The following PCCA variants were observed in gnomAD, a reference collection of about 807,000 sequenced individuals.
PCCA encodes propionyl-CoA carboxylase subunit alpha, also known as propionyl-CoA carboxylase alpha chain, mitochondrial.
Under a neutral mutation model 101.3 loss-of-function variants are expected in PCCA, and 74 were observed. That is an observed-to-expected ratio of 0.73 (90% CI 0.61 to 0.89). The LOEUF (loss-of-function observed/expected upper bound fraction) is 0.89, where lower values mean the gene tolerates loss of function less well. Among genes scored for constraint, PCCA ranks in the 40% least tolerant of loss-of-function variants. The pLI is 0.00. For missense variants in PCCA, 891 were observed against 907.0 expected, an observed-to-expected ratio of 0.98 and a Z score of 0.23; for synonymous variants, 294 against 313.6, an observed-to-expected ratio of 0.94 and a Z score of 0.66.
intron 6 of PCCA, among the ~76,000 whole-genome samples, chr13:100,178,885 G>A (rs1046668510): frequency 6.6e-5 from 10 of 151,850 alleles, no homozygotes; most frequent in South Asian, 2.1e-4. Context: ...AGACCATCTT[G>A]GCTAACACTG....
chr13:100,174,876 TATTA>T (rs2056093970), intron 6 of PCCA, among the ~76,000 whole-genome samples: 2 of 152,074 alleles, frequency 1.3e-5, no homozygotes, highest in Non-Finnish European at 2.9e-5. Context: ...CACAATAACA[TATTA>T]ATTATATCTT....
At chr13:100,106,854 C>T (rs1195340276) in intron 2 of PCCA, among the ~76,000 whole-genome samples, 1 of 152,144 alleles carries the variant, frequency 6.6e-6, no homozygotes, top group Non-Finnish European at 1.5e-5. Context: ...TTGCTGTGCC[C>T]TTGCCTAAGG....
chr13:100,232,359 T>TGTGTGC (rs2060536002), intron 7 of PCCA, among the ~76,000 whole-genome samples: 2 of 147,102 alleles, frequency 1.4e-5, no homozygotes, highest in Non-Finnish European at 3.0e-5. Flanking sequence ...TGCGTGTGTG[T>TGTGTGC]GTGTGTGTGT....
chr13:100,465,200 G>A (rs568806815), intron 21 of PCCA, among the ~76,000 whole-genome samples: 4 of 152,150 alleles, frequency 2.6e-5, no homozygotes, highest in South Asian at 4.2e-4. Flanking sequence ...TGTCGAAATC[G>A]GCTTAAAATG....
At chr13:100,353,184 A>G (rs774850172) in intron 18 of PCCA, among the ~76,000 whole-genome samples, 2 of 152,226 alleles carry the variant, frequency 1.3e-5, no homozygotes, top group African/African-American at 4.8e-5. Flanking sequence ...CAATTCCACA[A>G]TACATCACTT....
chr13:100,465,649 A>G (rs953723521), intron 21 of PCCA, among the ~76,000 whole-genome samples: 3 of 152,210 alleles, frequency 2.0e-5, no homozygotes, highest in Admixed American at 6.5e-5. Flanking sequence ...AGACTGCCCT[A>G]TGCGTAATAG....
chr13:100,516,564 C>T (rs1274754795), intron 22 of PCCA, among the ~76,000 whole-genome samples: 4 of 152,210 alleles, frequency 2.6e-5, no homozygotes, highest in African/African-American at 4.8e-5. Flanking sequence ...AGCTGCTTTA[C>T]CTGGTGATAC....
chr13:100,361,926 G>C (rs1158738110), intron 18 of PCCA, among the ~76,000 whole-genome samples: 2 of 151,974 alleles, frequency 1.3e-5, no homozygotes, highest in African/African-American at 4.8e-5. Flanking sequence ...TTTAAGGGGG[G>C]AAAAAGCAAT....
rs534361898 is a variant in PCCA, at chr13:100,469,211, CAAAA to C, written c.1899+19919_1899+19922del. Among the ~76,000 whole-genome samples the C allele has an allele frequency of 4.6e-3, 301 of 65,052 alleles. 9 individuals carry two copies. The highest frequency in any genetic ancestry group is 5.3e-3 in the Non-Finnish European group (177 of 33,306). The allele number at this position is 65,052 out of a possible 152,430, so 42.7% of individuals were successfully genotyped here. A position where few individuals can be genotyped will look rare whatever the true frequency, so the allele number is the denominator to read the frequency against. The stretch of plus-strand genomic sequence containing the variant: ...GGGCAACAAGAGTGAAACTCCGTCT[CAAAA>C]AAAAAAAAAAAAGAATCCCTTTGGT... On this transcript the variant is annotated intron_variant, in intron 21 of 23. Transcript: ENST00000376285.
intron 6 of PCCA, among the ~76,000 whole-genome samples, chr13:100,169,438 CAAA>C (rs10606930): frequency 9.9e-4 from 132 of 133,890 alleles, no homozygotes; most frequent in Middle Eastern, 4.1e-3. Flanking sequence ...GAGACTGTCT[CAAA>C]AAAAAAAAAA....
intron 21 of PCCA, among the ~76,000 whole-genome samples, chr13:100,472,767 GCTTA>G (rs2083117737): frequency 1.3e-5 from 2 of 152,034 alleles, no homozygotes; most frequent in African/African-American, 2.4e-5. Context: ...TGGGCAGCTG[GCTTA>G]CTTCCAAGTT....
At chr13:100,098,068 G>A (rs1439906093) in intron 1 of PCCA, among the ~76,000 whole-genome samples, 1 of 151,734 alleles carries the variant, frequency 6.6e-6, no homozygotes, top group Admixed American at 6.6e-5. Context: ...GCAGGGATGT[G>A]TAGTCTCAGC....
intron 7 of PCCA, among the ~76,000 whole-genome samples, chr13:100,226,786 C>T (rs949302017): frequency 1.3e-5 from 2 of 152,152 alleles, no homozygotes; most frequent in Admixed American, 6.5e-5. Flanking sequence ...CCCATTTTCT[C>T]ATAATTACTA....
chr13:100,268,791 T>A lies in PCCA; in HGVS notation c.914+8T>A, dbSNP rs543352333. 163 of 1,601,116 alleles carry A rather than the reference T, an allele frequency of 1.0e-4. 5 individuals carry two copies. In the South Asian group the frequency reaches 1.7e-3, roughly 17 times the overall value. On this transcript the variant is annotated splice_region_variant and intron_variant, in intron 11 of 23. Transcript: ENST00000376285. The stretch of plus-strand genomic sequence containing the variant: ...GGTGGAGGAAGCACCAAGGTAAGTC[T>A]CCTAAGAAACATTTATAAAGCGGCT...
intron 15 of PCCA, among the ~76,000 whole-genome samples, chr13:100,309,355 C>T (rs2066725278): frequency 6.6e-6 from 1 of 152,186 alleles, no homozygotes. Flanking sequence ...TGAGATTGCG[C>T]CACTGCCCTC....
intron 12 of PCCA, among the ~76,000 whole-genome samples, chr13:100,278,270 C>T (rs544846225): frequency 7.5e-4 from 114 of 152,176 alleles, no homozygotes; most frequent in Non-Finnish European, 1.3e-3. Context: ...CAATTTGAGA[C>T]GACTGCAAAA....
intron 8 of PCCA, among the ~76,000 whole-genome samples, chr13:100,239,020 A>G (rs1324771605): frequency 6.6e-6 from 1 of 152,098 alleles, no homozygotes; most frequent in African/African-American, 2.4e-5. Context: ...CTCCTCTCTC[A>G]TGTCTTTGCT....
intron 19 of PCCA, among the ~76,000 whole-genome samples, chr13:100,389,667 G>A (rs2076707902): frequency 6.6e-6 from 1 of 152,186 alleles, no homozygotes; most frequent in South Asian, 2.1e-4. Context: ...AAAAAAAGCA[G>A]AAAGAGAACT....
At chr13:100,127,963 C>T (rs948266364) in intron 4 of PCCA, among the ~76,000 whole-genome samples, 71 of 152,270 alleles carry the variant, frequency 4.7e-4, no homozygotes, top group East Asian at 3.9e-4. Flanking sequence ...TTTCTAAGGC[C>T]ATGACTTAAC....
Sources: gnomAD v4.1 joint callset for allele counts (sites outside exome capture counted in the v4.1 genomes callset) on GRCh38, gnomAD v4.1.1 for gene constraint, MANE v1.5 for transcripts, NCBI Gene and HGNC (gene_info 2026-07-23, HGNC 2026-07-21) for gene names.